Variants in CASK observed in about 807,000 individuals in gnomAD.
CASK encodes peripheral plasma membrane protein CASK.
CASK carries 4 observed loss-of-function variants against 82.9 expected under a neutral mutation model. The observed-to-expected ratio is 0.05, with a 90% CI of 0.02 to 0.11. The LOEUF (loss-of-function observed/expected upper bound fraction) is 0.11. Among genes scored for constraint, CASK ranks in the 10% least tolerant of loss-of-function variants. The probability of loss-of-function intolerance (pLI) is 1.00; values close to 1 mark genes in which losing one functional copy is unlikely to be tolerated. For missense variants in CASK, 358 were observed against 720.9 expected (o/e 0.50, Z 5.76); for synonymous variants, 259 against 253.5 (o/e 1.02, Z -0.20).
chrX:41,545,695 G>T (rs1199549346), intron 21 of CASK, among the ~76,000 whole-genome samples: 1 of 111,759 alleles, frequency 8.9e-6, no homozygotes, highest in East Asian at 2.8e-4. Context: ...AAACTGTTGG[G>T]ATTGCATCTT....
At chrX:41,920,634 G>C (rs1029611540) in intron 1 of CASK, among the ~76,000 whole-genome samples, 11 of 111,422 alleles carry the variant, frequency 9.9e-5, no homozygotes, top group African/African-American at 3.3e-4. Flanking sequence ...GAAACAGTCA[G>C]AAAAGATGAA....
intron 3 of CASK, among the ~76,000 whole-genome samples, chrX:41,748,937 T>C (rs764433918): frequency 8.9e-6 from 1 of 112,105 alleles, no homozygotes; most frequent in South Asian, 3.7e-4. Context: ...GGGGTATTTT[T>C]AGGTTTCTAC....
At chrX:41,736,529 A>T (rs2068502936) in intron 5 of CASK, among the ~76,000 whole-genome samples, 1 of 111,506 alleles carries the variant, frequency 9.0e-6, no homozygotes, top group African/African-American at 3.3e-5. Flanking sequence ...ACAAACAAAC[A>T]AACAAAAAAC....
intron 4 of CASK, among the ~76,000 whole-genome samples, chrX:41,741,653 C>A (rs760157120): frequency 8.9e-6 from 1 of 111,817 alleles, no homozygotes; most frequent in African/African-American, 3.3e-5. Context: ...ATCTTTGCGG[C>A]GTGTGTGGAG....
chrX:41,758,010 C>G (rs146238903), intron 3 of CASK, among the ~76,000 whole-genome samples: 1 of 112,239 alleles, frequency 8.9e-6, no homozygotes, highest in South Asian at 3.7e-4. Context: ...TAAACTACTC[C>G]GTATTTGTGG....
chrX:41,553,312 C>CT (rs2065122702), intron 21 of CASK, among the ~76,000 whole-genome samples: 1 of 111,903 alleles, frequency 8.9e-6, no homozygotes, highest in South Asian at 3.7e-4. Flanking sequence ...CACTGAAGCA[C>CT]TGCACCTACA....
chrX:41,795,924 A>C (rs2147851700), intron 2 of CASK, among the ~76,000 whole-genome samples: 1 of 111,197 alleles, frequency 9.0e-6, no homozygotes, highest in Non-Finnish European at 1.9e-5. Flanking sequence ...ATTCTAGATA[A>C]TGGTTTATTT....
chrX:41,712,912 A>G (rs2068002004), intron 5 of CASK, among the ~76,000 whole-genome samples: 2 of 111,329 alleles, frequency 1.8e-5, no homozygotes, highest in African/African-American at 6.5e-5. Flanking sequence ...TTGACTCCCT[A>G]TGATTTCATT....
intron 5 of CASK, among the ~76,000 whole-genome samples, chrX:41,731,702 T>C (rs765809409): frequency 1.8e-5 from 2 of 111,588 alleles, no homozygotes; most frequent in South Asian, 3.7e-4. Context: ...TTTTAAATCA[T>C]GTTGAATTTT....
chrX:41,541,686 C>T (rs957925729), intron 22 of CASK, among the ~76,000 whole-genome samples: 3 of 111,864 alleles, frequency 2.7e-5, no homozygotes, highest in Non-Finnish European at 5.6e-5. Context: ...ATTCAGAGTA[C>T]GTTATAACAT....
Position 41,561,942 on chromosome X carries a change from G to A in CASK, c.1583-298C>T, listed in dbSNP as rs2065234522. The A allele has an allele frequency of 5.4e-5, 10 of 185,599 alleles. No individual in the cohort carries two copies. In the South Asian group the frequency reaches 1.4e-3, roughly 27 times the overall value. 15.3% of individuals were successfully genotyped at this position (185,599 alleles called of 1,213,427 possible). On this transcript the variant is annotated intron_variant, in intron 16 of 26. Coordinates refer to ENST00000378163, the MANE Select transcript of CASK (RefSeq NM_001367721.1). ...TGGCTTCTGGATCCAGACTGCCTGG[G>A]TTCAAATTCCAGCTTCCTTGCTTAC... is the stretch of plus-strand genomic sequence containing the variant.
chrX:41,767,580 T>C (rs1010640136), intron 3 of CASK, among the ~76,000 whole-genome samples: 2 of 112,151 alleles, frequency 1.8e-5, no homozygotes, highest in Admixed American at 1.9e-4. Flanking sequence ...GATTCCACGT[T>C]GCATTTAGTC....
chrX:41,710,081 T>TG (rs2067947788), intron 5 of CASK, among the ~76,000 whole-genome samples: 3 of 72,185 alleles, frequency 4.2e-5, no homozygotes, highest in East Asian at 4.6e-4. Flanking sequence ...GGTATAGATT[T>TG]TGTGTGTGTG....
At chrX:41,604,647 A>G (rs2065935341) in intron 12 of CASK, among the ~76,000 whole-genome samples, 1 of 111,543 alleles carries the variant, frequency 9.0e-6, no homozygotes, top group African/African-American at 3.3e-5. Context: ...TGGCAGTCCT[A>G]GCAAACTAAT....
chrX:41,660,817 G>A (rs2067019470), intron 7 of CASK, among the ~76,000 whole-genome samples: 1 of 111,832 alleles, frequency 8.9e-6, no homozygotes, highest in South Asian at 3.7e-4. Flanking sequence ...TTCAATAATT[G>A]AAGACTAGAA....
chrX:41,732,393 G>A (rs1397709203), intron 5 of CASK, among the ~76,000 whole-genome samples: 1 of 111,546 alleles, frequency 9.0e-6, no homozygotes, highest in Non-Finnish European at 1.9e-5. Flanking sequence ...TGTTCAATTT[G>A]CTGAGGACTC....
intron 2 of CASK, among the ~76,000 whole-genome samples, chrX:41,839,223 G>T (rs1190055833): frequency 9.0e-6 from 1 of 111,286 alleles, no homozygotes; most frequent in Admixed American, 9.5e-5. Context: ...GTCAAATCTA[G>T]AGATAGATTT....
In CASK at chrX:41,873,306, A is replaced by AAG. The variant is rs1262905309; in HGVS notation, c.60-20081_60-20080dup. Reference sequence around the variant, plus strand: ...CACAAAAAAAAAAAAAAAAAAAAAAAAGAGAGAGAGAGAGAGAATCCAATT... The same window carrying AAG: ...CACAAAAAAAAAAAAAAAAAAAAAAAAGAGAGAGAGAGAGAGAGAATCCAATT... On this transcript the variant is annotated intron_variant, in intron 1 of 26. Coordinates refer to ENST00000378163, the MANE Select transcript of CASK (RefSeq NM_001367721.1). Among the ~76,000 whole-genome samples the AAG allele has an allele frequency of 1.1e-4, 12 of 105,531 alleles. No individual in the cohort carries two copies. The South Asian group carries it at 1.7e-3, about 15-fold the overall frequency. 91.6% of individuals were successfully genotyped at this position (105,531 alleles called of 115,157 possible).
chrX:41,569,970 T>A (rs1401936067), intron 15 of CASK, among the ~76,000 whole-genome samples: 1 of 108,695 alleles, frequency 9.2e-6, no homozygotes, highest in African/African-American at 3.3e-5. Context: ...ATATTTTATA[T>A]AATGCTTTTA....
Sources: gnomAD v4.1 joint callset for allele counts (sites outside exome capture counted in the v4.1 genomes callset) on GRCh38, gnomAD v4.1.1 for gene constraint, MANE v1.5 for transcripts, NCBI Gene and HGNC (gene_info 2026-07-23, HGNC 2026-07-21) for gene names.